The following HIP1 variants were observed in gnomAD, a reference collection of about 807,000 sequenced individuals.
HIP1 encodes huntingtin interacting protein 1.
Under a neutral mutation model 147.6 loss-of-function variants are expected in HIP1, and 65 were observed. That is an observed-to-expected ratio of 0.44 (90% CI 0.36 to 0.54). The LOEUF (loss-of-function observed/expected upper bound fraction) is 0.54. Ranked by LOEUF, HIP1 falls within the 20% of genes least tolerant of loss-of-function variation. HIP1 has a pLI of 0.00. For synonymous variants in HIP1, 479 were observed against 504.0 expected, an observed-to-expected ratio of 0.95 and a Z score of 0.67; for missense variants, 1,061 against 1,299.6, an observed-to-expected ratio of 0.82 and a Z score of 2.82.
chr7:75,715,421 G>C (rs1554520479), intron 1 of HIP1, among the ~76,000 whole-genome samples: 1 of 148,888 alleles, frequency 6.7e-6, no homozygotes, highest in African/African-American at 2.5e-5. Context: ...AGGAAGGAAA[G>C]ACAGAAAGAA....
At chr7:75,686,762 A>G (rs1326992708) in intron 1 of HIP1, among the ~76,000 whole-genome samples, 3 of 151,872 alleles carry the variant, frequency 2.0e-5, no homozygotes, top group Admixed American at 2.0e-4. Flanking sequence ...CCTGGGCTCA[A>G]GCCATCCTCC....
intron 1 of HIP1, among the ~76,000 whole-genome samples, chr7:75,658,434 C>T (rs1799208139): frequency 6.6e-6 from 1 of 151,978 alleles, no homozygotes; most frequent in African/African-American, 2.4e-5. Flanking sequence ...GAGAACAAAT[C>T]TGCCCAGCTT....
At chr7:75,681,865 C>G (rs1335111424) in intron 1 of HIP1, among the ~76,000 whole-genome samples, 1 of 151,912 alleles carries the variant, frequency 6.6e-6, no homozygotes, top group Non-Finnish European at 1.5e-5. Context: ...TGTTCACCCG[C>G]CAGACACATG....
chr7:75,607,233 G>GTT (rs375132943), intron 1 of HIP1, among the ~76,000 whole-genome samples: 10 of 134,984 alleles, frequency 7.4e-5, no homozygotes, highest in Non-Finnish European at 1.1e-4. Flanking sequence ...TTTTTGTTTT[G>GTT]TTTTTTTTTT....
chr7:75,654,875 C>G (rs1008912888), intron 1 of HIP1, among the ~76,000 whole-genome samples: 4 of 152,096 alleles, frequency 2.6e-5, no homozygotes, highest in Non-Finnish European at 4.4e-5. Context: ...ATTAGCCGGG[C>G]ATGGTGGCAC....
intron 1 of HIP1, among the ~76,000 whole-genome samples, chr7:75,622,211 A>C (rs995414447): frequency 3.9e-5 from 6 of 152,082 alleles, no homozygotes; most frequent in African/African-American, 1.4e-4. Flanking sequence ...CAGGAGGTGA[A>C]GGCTGCAGTG....
At chr7:75,572,894 A>G (rs1795697105) in intron 8 of HIP1, among the ~76,000 whole-genome samples, 1 of 152,066 alleles carries the variant, frequency 6.6e-6, no homozygotes, top group African/African-American at 2.4e-5. Context: ...AGGGCCTGAG[A>G]AGGCTCTCCC....
At chr7:75,689,569 T>C (rs1028152112) in intron 1 of HIP1, among the ~76,000 whole-genome samples, 1 of 152,188 alleles carries the variant, frequency 6.6e-6, no homozygotes, top group Non-Finnish European at 1.5e-5. Context: ...TACATGCACA[T>C]ATATATAAAT....
rs370976674 is a variant in HIP1 at position 75,635,525 on chromosome 7, C to A, written c.121-36278G>T. Reference sequence around the variant, plus strand: ...CCCAGGAGGCGGAGGCGGTGGTGAGCCGAGATCGTGCCACTGCACTCCAGC... The same window carrying A: ...CCCAGGAGGCGGAGGCGGTGGTGAGACGAGATCGTGCCACTGCACTCCAGC... On this transcript the variant is annotated intron_variant, in intron 1 of 30. Transcript: ENST00000336926. Among the ~76,000 whole-genome samples the A allele has an allele frequency of 4.7e-5, 7 of 148,256 alleles. No homozygotes were observed. In the East Asian group the frequency reaches 1.2e-3, roughly 26 times the overall value.
chr7:75,699,229 G>A (rs1800738989), intron 1 of HIP1, among the ~76,000 whole-genome samples: 1 of 151,858 alleles, frequency 6.6e-6, no homozygotes, highest in Admixed American at 6.6e-5. Flanking sequence ...ATAGGCGCTC[G>A]GCTTTCAAAG....
chr7:75,724,172 G>T (rs1164754476), intron 1 of HIP1, among the ~76,000 whole-genome samples: 3 of 151,924 alleles, frequency 2.0e-5, no homozygotes, highest in Non-Finnish European at 4.4e-5. Flanking sequence ...GGCCAGGCTG[G>T]TCTCGAACTC....
At chr7:75,656,584 T>G (rs529595602) in intron 1 of HIP1, among the ~76,000 whole-genome samples, 1 of 152,276 alleles carries the variant, frequency 6.6e-6, no homozygotes, top group Non-Finnish European at 1.5e-5. Context: ...TTCAAGCGAT[T>G]CTCCTGCCTC....
intron 1 of HIP1, among the ~76,000 whole-genome samples, chr7:75,690,345 C>T (rs1800407187): frequency 6.6e-6 from 1 of 151,906 alleles, no homozygotes; most frequent in African/African-American, 2.4e-5. Context: ...ATACAACTAG[C>T]CAATAAGCAC....
chr7:75,619,904 A>T (rs1164894015), intron 1 of HIP1, among the ~76,000 whole-genome samples: 5 of 152,186 alleles, frequency 3.3e-5, no homozygotes, highest in African/African-American at 1.2e-4. Context: ...CTTCTAAAAG[A>T]TACCACCCCT....
intron 1 of HIP1, among the ~76,000 whole-genome samples, chr7:75,601,990 A>C (rs1333932963): frequency 1.3e-5 from 2 of 151,872 alleles, no homozygotes; most frequent in South Asian, 2.1e-4. Context: ...ATCCTTTGGA[A>C]ATAAAAACTT....
rs1563208703 is a variant in HIP1, at chr7:75,568,267, T to C, written c.746-11A>G. On this transcript the variant is annotated splice_polypyrimidine_tract_variant and intron_variant, in intron 8 of 30. Coordinates refer to ENST00000336926, the MANE Select transcript of HIP1 (RefSeq NM_005338.7). The surrounding 1 kb of genome is among the most constrained non-coding windows in gnomAD (Gnocchi z 4.1). ...TGTCAGCTGGGAGGCCTGGAAGAAA[T>C]TGGAAAGAGTGTGAGAGGGGAGGGG... is the stretch of plus-strand genomic sequence containing the variant. 7 of 1,604,112 alleles carry C rather than the reference T, an allele frequency of 4.4e-6. No individual in the cohort carries two copies. Among genetic ancestry groups the C allele is most frequent in the African/African-American group, 1.3e-5 (1 of 74,582 alleles).
intron 1 of HIP1, chr7:75,611,812 G>A (rs868988549): frequency 1.9e-5 from 20 of 1,032,926 alleles, no homozygotes; most frequent in Middle Eastern, 5.2e-4. Context: ...GCAGGCCCTC[G>A]TGTCCCCGGC....
chr7:75,737,348 T>C (rs947619063), intron 1 of HIP1, among the ~76,000 whole-genome samples: 1 of 151,962 alleles, frequency 6.6e-6, no homozygotes, highest in Admixed American at 6.6e-5. Flanking sequence ...TTCTTTTTTA[T>C]TATTATTATT....
intron 3 of HIP1, 114 bp downstream of exon 3, chr7:75,592,258 A>G: frequency 6.9e-7 from 1 of 1,446,520 alleles, no homozygotes; most frequent in Non-Finnish European, 9.5e-7. Context: ...GGGGAACCCA[A>G]AGGCCAGGAG....
Sources: gnomAD v4.1 joint callset for allele counts (sites outside exome capture counted in the v4.1 genomes callset) on GRCh38, gnomAD v4.1.1 for gene constraint, Gnocchi (gnomAD v3.1) non-coding constraint, MANE v1.5 for transcripts, NCBI Gene and HGNC (gene_info 2026-07-23, HGNC 2026-07-21) for gene names.